THSD1: variants seen among roughly 807,000 people sequenced by gnomAD.
THSD1 encodes thrombospondin type-1 domain-containing protein 1.
In THSD1, 34 loss-of-function variants were observed where a neutral mutation model predicts 46.3. The observed-to-expected ratio is 0.74, with a 90% CI of 0.56 to 0.98. THSD1 has a LOEUF of 0.98. THSD1 is among the 50% of genes least tolerant of loss of function. The pLI is 0.00. For synonymous variants in THSD1, 407 were observed against 416.5 expected (o/e 0.98, Z 0.28); for missense variants, 1,023 against 1,058.3 (o/e 0.97, Z 0.46).
At chr13:52,389,215 G>A (rs1242514798) in intron 3 of THSD1, among the ~76,000 whole-genome samples, 6 of 151,856 alleles carry the variant, frequency 4.0e-5, no homozygotes, top group African/African-American at 9.7e-5. Flanking sequence ...TGCCCTCCTC[G>A]GCCTCCCAAA....
At position 52,378,422 on chromosome 13, in the gene THSD1, G is replaced by A. The variant is rs1193755378; in HGVS notation, c.1548C>T (p.Phe516=). The change falls in exon 5 of 5, where the codon TTC becomes TTT. Residue 516 remains phenylalanine, a synonymous_variant. Coordinates refer to ENST00000258613, the MANE Select transcript of THSD1 (RefSeq NM_018676.4). The stretch of plus-strand genomic sequence containing the variant: ...GGATTATCTTCTGGGCGTTGGACTG[G>A]AAGCTCTCGCTGCCAGAGGCATCAT... The part of the protein sequence containing the change: ...PEDDASGSES[F]QSNAQKIIPP... 1.9e-6 allele frequency: 3 copies of A among 1,614,028 alleles called. No homozygotes were observed. Among genetic ancestry groups the A allele is most frequent in the Non-Finnish European group, 2.5e-6 (3 of 1,180,062 alleles).
chr13:52,402,596 T>G lies in THSD1; in HGVS notation c.5A>C (p.Lys2Thr), dbSNP rs924014054. M[K>T]PMLKDFSNLL... ...ATTTGAAAAGTCTTTCAACATTGGT[T>G]TCATTCTGATTGACAAAATCCCAGG... The change falls in exon 2 of 5, where the codon AAA (lysine) becomes ACA (threonine). Residue 2 changes from lysine to threonine, a missense_variant. Lys to Thr is a moderately conservative substitution (Grantham distance 78). Transcript: ENST00000258613. 1 of 1,613,992 alleles carries G rather than the reference T, an allele frequency of 6.2e-7. No homozygotes were observed. The highest frequency in any genetic ancestry group is 1.3e-5 in the African/African-American group (1 of 75,048).
chr13:52,384,461 G>T (rs1198292277), intron 4 of THSD1: 1 of 454,016 alleles, frequency 2.2e-6, no homozygotes, highest in African/African-American at 2.0e-5. Flanking sequence ...TACTTTATGT[G>T]TGCAAGGTCC....
intron 4 of THSD1, among the ~76,000 whole-genome samples, chr13:52,380,292 T>C (rs1223122000): frequency 6.6e-6 from 1 of 151,130 alleles, no homozygotes; most frequent in Non-Finnish European, 1.5e-5. Flanking sequence ...CATGTTTGTA[T>C]CACCACCAGC....
At position 52,402,630 on chromosome 13, in the gene THSD1, C is replaced by T; in HGVS notation, c.-30G>A. Reference sequence around the variant, plus strand: ...ATTGACAAAATCCCAGGTCTTTAGTCTCCTCATGTCCTTTCTCACGTCCAG... The same window carrying T: ...ATTGACAAAATCCCAGGTCTTTAGTTTCCTCATGTCCTTTCTCACGTCCAG... On this transcript the variant is annotated 5_prime_UTR_variant, in exon 2 of 5. Transcript: ENST00000258613. The T allele has an allele frequency of 6.2e-7, 1 of 1,613,398 alleles. No homozygotes were observed. The highest frequency in any genetic ancestry group is 8.5e-7 in the Non-Finnish European group (1 of 1,179,672).
chr13:52,401,933 GCTCT>G (rs1957866566), intron 2 of THSD1, among the ~76,000 whole-genome samples: 1 of 152,306 alleles, frequency 6.6e-6, no homozygotes, highest in African/African-American at 2.4e-5. Context: ...GTTGTATAAA[GCTCT>G]CTGAGAAATG....
Position 52,378,686 on chromosome 13 carries a change from A to C in THSD1, c.1284T>G (p.Ile428Met), listed in dbSNP as rs1957663928. 6.2e-7 allele frequency: 1 copy of C among 1,613,948 alleles called. No individual in the cohort carries two copies. Among genetic ancestry groups the C allele is most frequent in the South Asian group, 1.1e-5 (1 of 91,090 alleles). The change falls in exon 5 of 5, where the codon ATT becomes ATG. Residue 428 changes from isoleucine (I) to methionine (M), a missense_variant. Physicochemically the swap from Ile to Met is conservative, Grantham distance 10. Around this residue, in one of 3 missense-constraint regions of THSD1, gnomAD observed 429 missense variants for 518.3 expected, o/e 0.83. Coordinates refer to ENST00000258613, the MANE Select transcript of THSD1 (RefSeq NM_018676.4). ...TCCACAGCGTGATGAGCACAGTGGC[A>C]ATGATGATGAACAAGCACAAGGATA... ...TGISLCLFII[I>M]ATVLITLWRR...
chr13:52,396,281 T>C (rs928821907), intron 3 of THSD1, among the ~76,000 whole-genome samples: 2 of 152,132 alleles, frequency 1.3e-5, no homozygotes, highest in African/African-American at 4.8e-5. Flanking sequence ...CCCAGCACTT[T>C]GGGAGGCCGA....
chr13:52,383,462 G>A (rs983253008), intron 4 of THSD1, among the ~76,000 whole-genome samples: 1 of 152,200 alleles, frequency 6.6e-6, no homozygotes, highest in Non-Finnish European at 1.5e-5. Context: ...AAAAACAGTT[G>A]AATGATGAAA....
chr13:52,402,966 G>C (rs1448589499), intron 1 of THSD1: 8 of 985,048 alleles, frequency 8.1e-6, no homozygotes, highest in Non-Finnish European at 9.6e-6. Context: ...CTGACGTGGA[G>C]AGTTTATTGT....
chr13:52,389,763 A>G (rs1957759478), intron 3 of THSD1, among the ~76,000 whole-genome samples: 1 of 152,140 alleles, frequency 6.6e-6, no homozygotes, highest in Non-Finnish European at 1.5e-5. Context: ...TCTCCCAGCC[A>G]TTATTGATTG....
intron 3 of THSD1, among the ~76,000 whole-genome samples, chr13:52,389,115 G>A (rs1413315060): frequency 6.6e-6 from 1 of 151,670 alleles, no homozygotes; most frequent in Non-Finnish European, 1.5e-5. Context: ...TGTGTATCAC[G>A]ATGCCCAGCT....
In THSD1 at chr13:52,397,911, G is replaced by C. The variant is rs746856935; in HGVS notation, c.342C>G (p.Phe114Leu). ...TPEATDNSTP[F>L]PWWEKSAFLK... is the part of the protein sequence containing the mutation. ...GAAAGGCACTTTTCTCCCACCAGGGGAATGGAGTGCTGTTGTCTGTTGCTT... is the reference window on the plus strand; with the variant it reads ...GAAAGGCACTTTTCTCCCACCAGGGCAATGGAGTGCTGTTGTCTGTTGCTT... The change falls in exon 3 of 5, where the codon TTC becomes TTG. Residue 114 changes from phenylalanine (F) to leucine (L), a missense_variant. By Grantham distance (22) the Phe-to-Leu change is conservative. Around this residue, in one of 3 missense-constraint regions of THSD1, gnomAD observed 429 missense variants for 518.3 expected, o/e 0.83. Coordinates refer to ENST00000258613, the MANE Select transcript of THSD1 (RefSeq NM_018676.4). The C allele has an allele frequency of 5.6e-6, 9 of 1,614,134 alleles. No homozygotes were observed. Among genetic ancestry groups the C allele is most frequent in the Non-Finnish European group, 7.6e-6 (9 of 1,180,052 alleles).
At position 52,402,264 on chromosome 13, in the gene THSD1, A is replaced by G. The variant is rs150062881; in HGVS notation, c.58+279T>C. 3.3e-3 allele frequency among the ~76,000 whole-genome samples: 497 copies of G among 152,340 alleles called. 3 individuals carry two copies. The highest frequency in any genetic ancestry group is 0.011 in the African/African-American group (448 of 41,584). ...CTTAATTACTGGGAAATCAAAGAGA[A>G]CTCAAGGTAACATGCTTGCCTCCAA... On this transcript the variant is annotated intron_variant, in intron 2 of 4. Coordinates refer to ENST00000258613, the MANE Select transcript of THSD1 (RefSeq NM_018676.4).
rs148230188 is a variant in THSD1, at chr13:52,391,172, T to C, written c.1022-4986A>G. Among the ~76,000 whole-genome samples the C allele has an allele frequency of 2.9e-3, 442 of 152,266 alleles. 2 individuals are homozygous for C. The highest frequency in any genetic ancestry group is 0.01 in the African/African-American group (431 of 41,544). On this transcript the variant is annotated intron_variant, in intron 3 of 4. Coordinates refer to ENST00000258613, the MANE Select transcript of THSD1 (RefSeq NM_018676.4). ...GGTGGCTAGTGTTGGCAGGATCTGA[T>C]AGATCTTGGGGTTGGATGGGTAATG...
rs1281501183 is a variant in THSD1 at position 52,377,297 on chromosome 13, C to G, written c.*114G>C. On this transcript the variant is annotated 3_prime_UTR_variant, in exon 5 of 5. Transcript: ENST00000258613. ...AACACATGCATACACACACATCCTC[C>G]TCTGTGTGTTACTTCCTCCTCACAT... is the stretch of plus-strand genomic sequence containing the variant. 7.2e-7 allele frequency: 1 copy of G among 1,396,820 alleles called. No homozygotes were observed. Among genetic ancestry groups the G allele is most frequent in the Non-Finnish European group, 9.3e-7 (1 of 1,069,754 alleles). 86.5% of individuals were successfully genotyped at this position (1,396,820 alleles called of 1,614,324 possible).
At position 52,378,507 on chromosome 13, in the gene THSD1, C is replaced by CGG. The variant is rs1957659207; in HGVS notation, c.1462_1463insCC (p.Ser488ThrfsTer10). The stretch of plus-strand genomic sequence containing the variant: ...CAGAGGGATGCCTGTGTCCCCTGGA[C>CGG]TCCCCGTGGGCCCGTCTCCCCCATC... On this transcript the variant is annotated frameshift_variant, in exon 5 of 5. Transcript: ENST00000258613. LOFTEE classifies it high-confidence loss of function. The CGG allele has an allele frequency of 6.2e-7, 1 of 1,614,076 alleles. No individual in the cohort carries two copies. Among genetic ancestry groups the CGG allele is most frequent in the Non-Finnish European group, 8.5e-7 (1 of 1,180,050 alleles).
At chr13:52,401,122 G>A (rs925092341) in intron 2 of THSD1, among the ~76,000 whole-genome samples, 3 of 151,096 alleles carry the variant, frequency 2.0e-5, no homozygotes, top group African/African-American at 4.9e-5. Flanking sequence ...TTACAAGTGC[G>A]TCTCACCACA....
At chr13:52,403,937 CA>C (rs1439161936) in intron 1 of THSD1, among the ~76,000 whole-genome samples, 15 of 123,952 alleles carry the variant, frequency 1.2e-4, no homozygotes, top group African/African-American at 3.9e-4. Flanking sequence ...CCATTATTCA[CA>C]TTTTTTTTTT....
Sources: allele counts gnomAD v4.1 joint callset (sites outside exome capture counted in the v4.1 genomes callset), GRCh38; gene constraint gnomAD v4.1.1; regional missense constraint gnomAD v4.1.1; transcripts MANE v1.5; gene names NCBI Gene and HGNC (gene_info 2026-07-23, HGNC 2026-07-21).